KCNIP4: variants seen among roughly 807,000 people sequenced by gnomAD.
KCNIP4 encodes the protein Kv channel-interacting protein 4.
A neutral mutation model predicts 34.0 loss-of-function variants in KCNIP4; 12 were observed. The observed-to-expected ratio is 0.35, with a 90% CI of 0.23 to 0.57. KCNIP4 has a LOEUF of 0.57. Among genes scored for constraint, KCNIP4 ranks in the 20% least tolerant of loss-of-function variants. The pLI is 0.83. For missense variants in KCNIP4, 238 were observed against 311.7 expected, an observed-to-expected ratio of 0.76 and a Z score of 1.78; for synonymous variants, 124 against 102.2, an observed-to-expected ratio of 1.21 and a Z score of -1.29.
At chr4:20,951,589 G>A (rs1387374435) in intron 1 of KCNIP4, among the ~76,000 whole-genome samples, 3 of 152,120 alleles carry the variant, frequency 2.0e-5, no homozygotes, top group African/African-American at 7.2e-5. Flanking sequence ...ACACTCCCAT[G>A]TGCACACTCA....
chr4:20,754,975 A>G lies in KCNIP4; in HGVS notation c.358+3846T>C, dbSNP rs147653084. Among the ~76,000 whole-genome samples, 17 of 152,312 alleles carry G rather than the reference A, an allele frequency of 1.1e-4. No individual in the cohort carries two copies. The East Asian group carries it at 1.5e-3, about 14-fold the overall frequency. ...AATATAATTTTTCTTTAAAAAATCC[A>G]TGGGTTTTAAACAATTTAGAAAAAC... is the stretch of plus-strand genomic sequence containing the variant. On this transcript the variant is annotated intron_variant, in intron 4 of 8. Coordinates refer to ENST00000382152, the MANE Select transcript of KCNIP4 (RefSeq NM_025221.6).
intron 1 of KCNIP4, among the ~76,000 whole-genome samples, chr4:21,138,632 T>C (rs1449456385): frequency 1.3e-5 from 2 of 152,094 alleles, no homozygotes; most frequent in Non-Finnish European, 2.9e-5. Context: ...ACTATGAAGA[T>C]GTTAACTTAC....
chr4:20,861,359 T>C, intron 2 of KCNIP4, among the ~76,000 whole-genome samples: 1 of 152,128 alleles, frequency 6.6e-6, no homozygotes, highest in Admixed American at 6.6e-5. Flanking sequence ...CAGGTGCACA[T>C]GGAGAGTATA....
chr4:21,631,893 C>G (rs954212740), intron 1 of KCNIP4, among the ~76,000 whole-genome samples: 66 of 152,250 alleles, frequency 4.3e-4, no homozygotes, highest in African/African-American at 1.6e-3. Context: ...ATACATTACC[C>G]ACCATCTATT....
intron 1 of KCNIP4, among the ~76,000 whole-genome samples, chr4:21,069,500 A>G (rs556578503): frequency 5.3e-5 from 8 of 152,200 alleles, no homozygotes; most frequent in African/African-American, 7.2e-5. Context: ...TCATGGGGCC[A>G]GTGTGTTGTC....
intron 1 of KCNIP4, among the ~76,000 whole-genome samples, chr4:21,177,718 G>A (rs959442255): frequency 1.3e-4 from 20 of 151,580 alleles, no homozygotes; most frequent in African/African-American, 3.4e-4. Flanking sequence ...AAAATTAGCC[G>A]GGCATGGTGG....
At chr4:20,886,641 C>T (rs901566872) in intron 1 of KCNIP4, among the ~76,000 whole-genome samples, 1 of 152,160 alleles carries the variant, frequency 6.6e-6, no homozygotes, top group Admixed American at 6.5e-5. Flanking sequence ...TCACTGAGCA[C>T]CTCTGGCGTT....
In KCNIP4 at chr4:21,137,120, G is replaced by C. The variant is rs1430355798; in HGVS notation, c.62-254411C>G. On this transcript the variant is annotated intron_variant, in intron 1 of 8. Transcript: ENST00000382152. Reference sequence around the variant, plus strand: ...CAAAATATTTGAACAAGAGGGATTAGGGTTGAACATGGTAAAAGATCAATT... The same window carrying C: ...CAAAATATTTGAACAAGAGGGATTACGGTTGAACATGGTAAAAGATCAATT... Among the ~76,000 whole-genome samples the C allele has an allele frequency of 3.3e-5, 5 of 152,254 alleles. No individual in the cohort carries two copies. In the South Asian group the frequency reaches 6.2e-4, roughly 19 times the overall value.
At chr4:20,803,470 C>CAAAAA (rs551176038) in intron 3 of KCNIP4, among the ~76,000 whole-genome samples, 30 of 85,890 alleles carry the variant, frequency 3.5e-4, no homozygotes, top group Non-Finnish European at 4.4e-4. Context: ...TCATCTTTAC[C>CAAAAA]AAAAAAAAAA....
At position 21,236,756 on chromosome 4, in the gene KCNIP4, T is replaced by A. The variant is rs1759386345; in HGVS notation, c.62-354047A>T. Among the ~76,000 whole-genome samples the A allele has an allele frequency of 1.3e-5, 2 of 151,828 alleles. 1 individual carries two copies. Among genetic ancestry groups the A allele is most frequent in the South Asian group, 4.2e-4 (2 of 4,816 alleles). ...CGGGCGCGGTGGCTCATGTCTGTTA[T>A]CCCAGCACTTTGGGAGGCTGAGGTG... On this transcript the variant is annotated intron_variant, in intron 1 of 8. Coordinates refer to ENST00000382152, the MANE Select transcript of KCNIP4 (RefSeq NM_025221.6).
intron 3 of KCNIP4, among the ~76,000 whole-genome samples, chr4:20,793,734 T>C (rs1038663641): frequency 6.6e-6 from 1 of 152,040 alleles, no homozygotes; most frequent in Non-Finnish European, 1.5e-5. Context: ...TAATGTAGAA[T>C]CAGTGGGAGC....
At chr4:21,211,999 C>T (rs1218880836) in intron 1 of KCNIP4, among the ~76,000 whole-genome samples, 1 of 152,128 alleles carries the variant, frequency 6.6e-6, no homozygotes, top group Non-Finnish European at 1.5e-5. Flanking sequence ...GGGACTTGCC[C>T]ATCAACAAAG....
chr4:21,308,850 G>A (rs1712798723), intron 1 of KCNIP4, among the ~76,000 whole-genome samples: 1 of 152,034 alleles, frequency 6.6e-6, no homozygotes, highest in South Asian at 2.1e-4. Context: ...AGGGTGAGAG[G>A]CTGTTTCAGG....
At chr4:20,770,424 T>C (rs898291227) in intron 3 of KCNIP4, among the ~76,000 whole-genome samples, 3 of 151,908 alleles carry the variant, frequency 2.0e-5, no homozygotes, top group Admixed American at 6.6e-5. Context: ...ATTTTACTAA[T>C]TGATTAGATC....
chr4:21,055,260 C>G (rs540291246), intron 1 of KCNIP4, among the ~76,000 whole-genome samples: 1 of 152,252 alleles, frequency 6.6e-6, no homozygotes, highest in Admixed American at 6.5e-5. Context: ...CCAAAACACT[C>G]ATAACACTGA....
rs149824421 is a variant in KCNIP4, at chr4:21,241,285, C to CT, written c.62-358577dup. ...GGGTAACTTACAAAGCAACAATAAC[C>CT]TTTTTGAGGCATTTCTCAAGACTTA... is the stretch of plus-strand genomic sequence containing the variant. On this transcript the variant is annotated intron_variant, in intron 1 of 8. Coordinates refer to ENST00000382152, the MANE Select transcript of KCNIP4 (RefSeq NM_025221.6). Among the ~76,000 whole-genome samples the CT allele has an allele frequency of 8.5e-4, 130 of 152,154 alleles. 1 individual carries two copies. The East Asian group carries it at 0.024, about 28-fold the overall frequency.
At chr4:21,582,280 A>G (rs1454884845) in intron 1 of KCNIP4, 6 of 151,998 alleles carry the variant, frequency 3.9e-5, no homozygotes, top group Non-Finnish European at 5.9e-5. Flanking sequence ...ATGCTCTGCT[A>G]CTCATCTAGC....
intron 3 of KCNIP4, among the ~76,000 whole-genome samples, chr4:20,828,938 G>A (rs1477613450): frequency 1.3e-5 from 2 of 152,180 alleles, no homozygotes; most frequent in Non-Finnish European, 2.9e-5. Flanking sequence ...TAAAGAAAGT[G>A]TCAGAAACCC....
intron 3 of KCNIP4, among the ~76,000 whole-genome samples, chr4:20,762,843 A>G (rs1755062878): frequency 6.6e-6 from 1 of 152,180 alleles, no homozygotes; most frequent in Non-Finnish European, 1.5e-5. Context: ...GGTAATTTAT[A>G]AAGGAAAGAG....
Sources: gnomAD v4.1 joint callset for allele counts (sites outside exome capture counted in the v4.1 genomes callset) on GRCh38, gnomAD v4.1.1 for gene constraint, MANE v1.5 for transcripts, NCBI Gene and HGNC (gene_info 2026-07-23, HGNC 2026-07-21) for gene names.